TUT4: variants seen among roughly 807,000 people sequenced by gnomAD.
The protein encoded by TUT4 is terminal uridylyl transferase 4, also known as terminal uridylyltransferase 4.
In TUT4, 36 loss-of-function variants were observed where a neutral mutation model predicts 192.2. The observed-to-expected ratio is 0.19, with a 90% CI of 0.14 to 0.25. The LOEUF is 0.25. Among genes scored for constraint, TUT4 ranks in the 10% least tolerant of loss-of-function variants. The probability of loss-of-function intolerance (pLI) is 1.00; values close to 1 mark genes in which losing one functional copy is unlikely to be tolerated. For synonymous variants in TUT4, 618 were observed against 666.0 expected (o/e 0.93, Z 1.11); for missense variants, 1,493 against 1,957.2 (o/e 0.76, Z 4.47).
At chr1:52,465,001 T>C in intron 16 of TUT4, 69 bp downstream of exon 16, 1 of 1,234,162 alleles carries the variant, frequency 8.1e-7, no homozygotes, top group Non-Finnish European at 1.1e-6. Context: ...CAATATCACA[T>C]ACAAAAATAA....
At chr1:52,545,966 CAAAAAAAAA>C (rs71041901) in intron 1 of TUT4, among the ~76,000 whole-genome samples, 1 of 72,406 alleles carries the variant, frequency 1.4e-5, no homozygotes, top group Admixed American at 1.7e-4. Context: ...TACAAAAATA[CAAAAAAAAA>C]AAAAAAAAAA....
intron 1 of TUT4, among the ~76,000 whole-genome samples, chr1:52,542,694 A>C (rs1687005725): frequency 6.6e-6 from 1 of 152,196 alleles, no homozygotes; most frequent in Non-Finnish European, 1.5e-5. Context: ...ATAAAAATGA[A>C]AACCTTTTCC....
At chr1:52,453,184 A>G (rs2148571005) in intron 20 of TUT4, among the ~76,000 whole-genome samples, 1 of 152,276 alleles carries the variant, frequency 6.6e-6, no homozygotes, top group South Asian at 2.1e-4. Context: ...AAGGAGTTCG[A>G]GACTAGCCTG....
chr1:52,447,827 T>C (rs540503954), intron 20 of TUT4, among the ~76,000 whole-genome samples: 1 of 152,184 alleles, frequency 6.6e-6, no homozygotes, highest in Non-Finnish European at 1.5e-5. Context: ...CTATATAAAT[T>C]AGTCAGTCAG....
intron 9 of TUT4, among the ~76,000 whole-genome samples, chr1:52,485,968 G>T (rs779461628): frequency 2.0e-5 from 3 of 151,794 alleles, no homozygotes; most frequent in Non-Finnish European, 4.4e-5. Flanking sequence ...TAATATCTTG[G>T]TACATTTAAG....
At position 52,525,783 on chromosome 1, in the gene TUT4, T is replaced by C; in HGVS notation, c.498A>G (p.Leu166=). 1 of 1,614,226 alleles carries C rather than the reference T, an allele frequency of 6.2e-7. No homozygotes were observed. The highest frequency in any genetic ancestry group is 2.2e-5 in the East Asian group (1 of 44,884). Reference sequence around the variant, plus strand: ...TCTTCTGTCTCATGTCTTTCAACAGTAAACTGGGTCCCTTTTCTGCTTCTG... The same window carrying C: ...TCTTCTGTCTCATGTCTTTCAACAGCAAACTGGGTCCCTTTTCTGCTTCTG... The part of the protein sequence containing the change: ...SPAEAEKGPS[L]LLKDMRQKTE... The change falls in exon 2 of 30, where the codon TTA becomes TTG. Residue 166 remains leucine (L), a synonymous_variant. Transcript: ENST00000257177.
At chr1:52,429,651 G>C (rs1651379502) in intron 28 of TUT4, among the ~76,000 whole-genome samples, 1 of 150,934 alleles carries the variant, frequency 6.6e-6, no homozygotes, top group Non-Finnish European at 1.5e-5. Context: ...GAATGCAATG[G>C]CATGATCTCA....
chr1:52,481,520 G>C lies in TUT4; in HGVS notation c.1751C>G (p.Ala584Gly). 1 of 1,613,878 alleles carries C rather than the reference G, an allele frequency of 6.2e-7. No individual in the cohort carries two copies. Among genetic ancestry groups the C allele is most frequent in the Non-Finnish European group, 8.5e-7 (1 of 1,179,966 alleles). Residue 584 changes from alanine (A) to glycine (G), a missense_variant, in exon 11 of 30, where the codon GCT becomes GGT. Ala to Gly is a moderately conservative substitution (Grantham distance 60). Transcript: ENST00000257177. The stretch of plus-strand genomic sequence containing the variant: ...GTCTGCCTTAGCTTTGTTTTCCTCA[G>C]CAATTGAGTTTTTCTCAGTTGCACT... Reference protein sequence around the residue: ...SSSATEKNSIAEENKAKADQP... With the variant: ...SSSATEKNSIGEENKAKADQP...
chr1:52,528,721 A>T (rs1487475594), intron 1 of TUT4, among the ~76,000 whole-genome samples: 1 of 152,128 alleles, frequency 6.6e-6, no homozygotes, highest in Non-Finnish European at 1.5e-5. Context: ...TCTCTATCAT[A>T]TAACTTTACA....
chr1:52,551,632 G>A (rs1689455125), intron 1 of TUT4, among the ~76,000 whole-genome samples: 1 of 152,210 alleles, frequency 6.6e-6, no homozygotes, highest in African/African-American at 2.4e-5. Context: ...ACGATGCAGT[G>A]TAGTGACATA....
At chr1:52,479,306 T>C (rs1024772879) in intron 11 of TUT4, among the ~76,000 whole-genome samples, 1 of 152,136 alleles carries the variant, frequency 6.6e-6, no homozygotes, top group African/African-American at 2.4e-5. Flanking sequence ...GGGAAGGGCA[T>C]GATCTGGCTT....
At chr1:52,443,154 A>G (rs1318586594) in intron 24 of TUT4, among the ~76,000 whole-genome samples, 1 of 151,928 alleles carries the variant, frequency 6.6e-6, no homozygotes, top group Non-Finnish European at 1.5e-5. Flanking sequence ...GTAGTGGCAC[A>G]TGCCTGTAAT....
At chr1:52,439,981 C>A (rs906810095) in intron 24 of TUT4, among the ~76,000 whole-genome samples, 1 of 152,032 alleles carries the variant, frequency 6.6e-6, no homozygotes, top group East Asian at 1.9e-4. Context: ...CATGAAGGAA[C>A]CTTGAAAACA....
chr1:52,516,212 G>GT (rs1678674718), intron 2 of TUT4, among the ~76,000 whole-genome samples, 158 bp from the exon 3 acceptor site: 1 of 151,872 alleles, frequency 6.6e-6, no homozygotes, highest in African/African-American at 2.4e-5. Flanking sequence ...TAAAATATAG[G>GT]TAAGAGGTAG....
At chr1:52,520,907 C>G (rs1293142266) in intron 2 of TUT4, among the ~76,000 whole-genome samples, 2 of 152,052 alleles carry the variant, frequency 1.3e-5, no homozygotes, top group African/African-American at 4.8e-5. Flanking sequence ...ATTCTCCTGC[C>G]TCAGCCTCCC....
chr1:52,503,743 A>G (rs1674786736), intron 4 of TUT4, among the ~76,000 whole-genome samples: 1 of 152,154 alleles, frequency 6.6e-6, no homozygotes, highest in African/African-American at 2.4e-5. Flanking sequence ...TTTTATCTAT[A>G]TTATCACATT....
chr1:52,487,400 C>T (rs893556557), intron 9 of TUT4, among the ~76,000 whole-genome samples: 1 of 152,000 alleles, frequency 6.6e-6, no homozygotes, highest in South Asian at 2.1e-4. Flanking sequence ...TACTGTTAGC[C>T]GTGATCGCTC....
At chr1:52,538,652 A>C (rs1685625847) in intron 1 of TUT4, 1 of 151,680 alleles carries the variant, frequency 6.6e-6, no homozygotes, top group African/African-American at 2.4e-5. Flanking sequence ...GTCTAAAAAA[A>C]AAAAAAGAAA....
Position 52,468,185 on chromosome 1 carries a change from A to G in TUT4, c.2961T>C (p.Tyr987=), listed in dbSNP as rs532929214. The G allele has an allele frequency of 1.2e-6, 2 of 1,607,658 alleles. No homozygotes were observed. The highest frequency in any genetic ancestry group is 1.7e-4 in the Middle Eastern group (1 of 6,044). The change falls in exon 15 of 30, where the codon TAT becomes TAC. Residue 987 remains tyrosine, a synonymous_variant. Coordinates refer to ENST00000257177, the MANE Select transcript of TUT4 (RefSeq NM_001009881.3). ...ATTTTTTAACCTATGACATACCATC[A>G]TATTCTTTTTGAATAAACTTTTCCA... is the stretch of plus-strand genomic sequence containing the variant. The part of the protein sequence containing the change: ...IGLEKFIQKE[Y]DEKARLCLFG...
Sources: allele counts gnomAD v4.1 joint callset (sites outside exome capture counted in the v4.1 genomes callset), GRCh38; gene constraint gnomAD v4.1.1; transcripts MANE v1.5; gene names NCBI Gene and HGNC (gene_info 2026-07-23, HGNC 2026-07-21).